Variants in VPS41 observed in about 807,000 individuals in gnomAD.
VPS41 encodes vacuolar protein sorting-associated protein 41 homolog.
VPS41 carries 85 observed loss-of-function variants against 130.9 expected under a neutral mutation model. The ratio of observed to expected loss-of-function variants is 0.65; its 90% CI spans 0.55 to 0.78. VPS41 has a LOEUF of 0.78. Ranked by LOEUF, VPS41 falls within the 30% of genes least tolerant of loss-of-function variation. The pLI is 0.00. For synonymous variants in VPS41, 335 were observed against 332.9 expected (o/e 1.01, Z -0.07); for missense variants, 874 against 1,018.7 (o/e 0.86, Z 1.93).
intron 6 of VPS41, among the ~76,000 whole-genome samples, chr7:38,820,554 T>C (rs2116117086): frequency 6.6e-6 from 1 of 152,344 alleles, no homozygotes; most frequent in East Asian, 1.9e-4. Context: ...GTTCAGTTTA[T>C]TTACTTTGTT....
At chr7:38,854,816 A>C (rs2116279377) in intron 4 of VPS41, among the ~76,000 whole-genome samples, 1 of 149,658 alleles carries the variant, frequency 6.7e-6, no homozygotes, top group East Asian at 2.0e-4. Context: ...GAGGCATATA[A>C]TTGTGACAAA....
At chr7:38,783,570 T>G (rs1166750746) in intron 10 of VPS41, among the ~76,000 whole-genome samples, 1 of 151,902 alleles carries the variant, frequency 6.6e-6, no homozygotes, top group East Asian at 1.9e-4. Context: ...CCACATGCTA[T>G]GTGCAAAAAC....
intron 2 of VPS41, among the ~76,000 whole-genome samples, chr7:38,872,462 A>G (rs1786389175): frequency 6.6e-6 from 1 of 152,234 alleles, no homozygotes; most frequent in African/African-American, 2.4e-5. Flanking sequence ...CATGCAGGCT[A>G]TTTCGTGTCT....
chr7:38,737,667 T>G (rs978471978), intron 25 of VPS41, among the ~76,000 whole-genome samples: 1 of 152,148 alleles, frequency 6.6e-6, no homozygotes, highest in Admixed American at 6.5e-5. Flanking sequence ...TTCTGCCAAG[T>G]GTAAAAGGAT....
At chr7:38,752,082 T>G in intron 22 of VPS41, 94 bp downstream of exon 22, 1 of 1,540,064 alleles carries the variant, frequency 6.5e-7, no homozygotes, top group South Asian at 1.2e-5. Flanking sequence ...AAGGGACAGA[T>G]GAACAGAGAT....
intron 4 of VPS41, among the ~76,000 whole-genome samples, chr7:38,832,678 A>G (rs762301694): frequency 9.2e-5 from 14 of 152,158 alleles, no homozygotes; most frequent in South Asian, 2.1e-4. Context: ...AATGACCCCA[A>G]TGTTGCTAAA....
intron 4 of VPS41, among the ~76,000 whole-genome samples, chr7:38,843,508 C>G (rs1254533224): frequency 6.6e-6 from 1 of 150,882 alleles, no homozygotes; most frequent in Admixed American, 6.6e-5. Context: ...TGGTGAAACC[C>G]TGTTTCTACT....
chr7:38,730,343 C>A (rs1435057465), intron 25 of VPS41, among the ~76,000 whole-genome samples: 1 of 152,190 alleles, frequency 6.6e-6, no homozygotes, highest in African/African-American at 2.4e-5. Context: ...TCTGAAAATC[C>A]CAAAGAGCAC....
Position 38,756,893 on chromosome 7 carries a change from T to C in VPS41, c.1640A>G (p.Asn547Ser), listed in dbSNP as rs375941913. 55 of 1,599,482 alleles carry C rather than the reference T, an allele frequency of 3.4e-5. No homozygotes were observed. The highest frequency in any genetic ancestry group is 4.6e-5 in the Non-Finnish European group (54 of 1,168,318). Residue 547 changes from asparagine (N) to serine (S), a missense_variant, in exon 19 of 29, where the codon AAT (asparagine) becomes AGT (serine). Transcript: ENST00000310301. ...TTTATCCTTGATAGAACTGAAAAGATTATGCTTGTGGATCAACTGAAAAAC... is the reference window on the plus strand; with the variant it reads ...TTTATCCTTGATAGAACTGAAAAGACTATGCTTGTGGATCAACTGAAAAAC... ...KDVFQLIHKH[N>S]LFSSIKDKIV...
At chr7:38,860,938 C>T (rs1365417869) in intron 4 of VPS41, among the ~76,000 whole-genome samples, 1 of 152,098 alleles carries the variant, frequency 6.6e-6, no homozygotes, top group Non-Finnish European at 1.5e-5. Flanking sequence ...TAGCACCAAA[C>T]TATCTTCCTC....
At position 38,830,289 on chromosome 7, in the gene VPS41, C is replaced by T; in HGVS notation, c.286G>A (p.Gly96Arg). 1 of 1,613,394 alleles carries T rather than the reference C, an allele frequency of 6.2e-7. No homozygotes were observed. The highest frequency in any genetic ancestry group is 8.5e-7 in the Non-Finnish European group (1 of 1,179,312). The change falls in exon 5 of 29, where the codon GGA becomes AGA. Residue 96 changes from glycine to arginine, a missense_variant. Transcript: ENST00000310301. ...KINQISLDES[G>R]EHMGVCSEDG... ...TCTGAACACACACCCATGTGCTCTC[C>T]ACTTTCATCCAAGCTAATCTGATTT...
chr7:38,817,777 C>T (rs372798046), intron 7 of VPS41, 40 bp downstream of exon 7: 2 of 1,549,474 alleles, frequency 1.3e-6, no homozygotes, highest in Admixed American at 1.7e-5. Context: ...CACAACACCC[C>T]TCAAGGCTAC....
intron 4 of VPS41, among the ~76,000 whole-genome samples, chr7:38,848,294 A>G (rs1785770327): frequency 1.3e-5 from 2 of 151,716 alleles, no homozygotes; most frequent in South Asian, 4.2e-4. Context: ...GTAATGTGAT[A>G]AAAGATACCC....
intron 7 of VPS41, among the ~76,000 whole-genome samples, chr7:38,803,120 T>C (rs1346197913): frequency 5.9e-5 from 9 of 152,216 alleles, no homozygotes; most frequent in Admixed American, 5.2e-4. Flanking sequence ...TAAATCTATC[T>C]AGTGCTTTCC....
At chr7:38,905,309 G>T (rs1399436588) in intron 1 of VPS41, among the ~76,000 whole-genome samples, 2 of 152,114 alleles carry the variant, frequency 1.3e-5, no homozygotes, top group Non-Finnish European at 2.9e-5. Flanking sequence ...ATACTGTTGG[G>T]CATCTGTGAA....
rs992200216 is a variant in VPS41 at position 38,809,880 on chromosome 7, T to C, written c.450+7937A>G. 8.6e-5 allele frequency among the ~76,000 whole-genome samples: 13 copies of C among 151,856 alleles called. 1 individual carries two copies. The highest frequency in any genetic ancestry group is 3.3e-4 in the Admixed American group (5 of 15,242). On this transcript the variant is annotated intron_variant, in intron 7 of 28. Transcript: ENST00000310301. ...TCAGTGTTCAAAAGTAAAGGTCCTA[T>C]GAAGCTAAAGCTTACCTGCTGACAG... is the stretch of plus-strand genomic sequence containing the variant.
At chr7:38,762,692 A>T (rs3801139) in intron 17 of VPS41, among the ~76,000 whole-genome samples, 102,293 of 152,074 alleles carry the variant, frequency 0.67, 34,821 homozygotes, top group Non-Finnish European at 0.73. Flanking sequence ...TTTGACTGAT[A>T]ATGTGACAAT....
At chr7:38,745,373 T>A (rs1053183040) in intron 23 of VPS41, among the ~76,000 whole-genome samples, 186 bp downstream of exon 23, 1 of 152,224 alleles carries the variant, frequency 6.6e-6, no homozygotes, top group Admixed American at 6.5e-5. Context: ...ATTTCAACAT[T>A]TATGAAACAA....
At chr7:38,888,336 G>A (rs956416134) in intron 2 of VPS41, among the ~76,000 whole-genome samples, 1 of 151,982 alleles carries the variant, frequency 6.6e-6, no homozygotes, top group African/African-American at 2.4e-5. Flanking sequence ...GGAAGATGTA[G>A]AAAGCAAATG....
Sources: allele counts gnomAD v4.1 joint callset (sites outside exome capture counted in the v4.1 genomes callset), GRCh38; gene constraint gnomAD v4.1.1; transcripts MANE v1.5; gene names NCBI Gene and HGNC (gene_info 2026-07-23, HGNC 2026-07-21).